Variants in KRT73 observed in about 807,000 individuals in gnomAD.
The protein encoded by KRT73 is keratin 73, also known as keratin, type II cytoskeletal 73.
In KRT73, 44 loss-of-function variants were observed where a neutral mutation model predicts 47.2. The observed-to-expected ratio is 0.93, with a 90% confidence interval of 0.73 to 1.20. KRT73 has a LOEUF of 1.20. KRT73 is among the 50% of genes most tolerant of loss of function. KRT73 has a pLI of 0.00. For synonymous variants in KRT73, 285 were observed against 291.3 expected, an observed-to-expected ratio of 0.98 and a Z score of 0.22; for missense variants, 713 against 704.5, an observed-to-expected ratio of 1.01 and a Z score of -0.14.
In KRT73 at chr12:52,614,569, G is replaced by A. The variant is rs772909232; in HGVS notation, c.819+10C>T. 5.6e-6 allele frequency: 9 copies of A among 1,609,522 alleles called. No individual in the cohort carries two copies. The African/African-American group carries it at 9.4e-5, about 17-fold the overall frequency. The stretch of plus-strand genomic sequence containing the variant: ...AGACAGAGCCAGAGGTGGGGCAGGG[G>A]GAGCCTTACCCCCTCGTACAGACAC... On this transcript the variant is annotated intron_variant, in intron 4 of 8. Transcript: ENST00000305748.
chr12:52,625,346 A>G, the KRT73 span, among the ~76,000 whole-genome samples: 1 of 152,200 alleles, frequency 6.6e-6, no homozygotes, highest in South Asian at 2.1e-4. Context: ...ACATCACAAG[A>G]CTTTCACTGA....
chr12:52,615,350 AG>A lies in KRT73; in HGVS notation c.663-12del, dbSNP rs1348939370. 4.3e-6 allele frequency: 7 copies of A among 1,612,850 alleles called. No homozygotes were observed. The highest frequency in any genetic ancestry group is 5.9e-6 in the Non-Finnish European group (7 of 1,178,880). ...ATTTCTTCTTCATACCTGCAGGGAAAGCATCACAGGAAGCAGAGTGTGTGTC... is the reference window on the plus strand; with the variant it reads ...ATTTCTTCTTCATACCTGCAGGGAAACATCACAGGAAGCAGAGTGTGTGTC... On this transcript the variant is annotated splice_polypyrimidine_tract_variant and intron_variant, in intron 2 of 8. Transcript: ENST00000305748.
intron 3 of KRT73, 73 bp from the exon 4 acceptor site, chr12:52,614,747 C>T: frequency 8.3e-7 from 1 of 1,211,060 alleles, no homozygotes; most frequent in Non-Finnish European, 1.2e-6. Flanking sequence ...GAACTGACAC[C>T]TGCAGGCCCT....
Position 52,616,271 on chromosome 12 carries a change from T to C in KRT73, c.557A>G (p.Tyr186Cys). The C allele has an allele frequency of 6.2e-7, 1 of 1,614,156 alleles. No individual in the cohort carries two copies. The highest frequency in any genetic ancestry group is 8.5e-7 in the Non-Finnish European group (1 of 1,180,028). The part of the protein sequence containing the change: ...KNNLEPILEG[Y>C]ISNLRKQLET... The stretch of plus-strand genomic sequence containing the variant: ...CAGCTGCTTCCGCAGGTTGCTGATG[T>C]AGCCCTCAAGGATGGGCTCCAGGTT... Residue 186 changes from tyrosine to cysteine, a missense_variant, in exon 2 of 9, where the codon TAC (tyrosine) becomes TGC (cysteine). Transcript: ENST00000305748.
the KRT73 span, among the ~76,000 whole-genome samples, chr12:52,629,358 T>C: frequency 3.9e-5 from 6 of 152,120 alleles, no homozygotes; most frequent in Admixed American, 1.3e-4. Flanking sequence ...GTCTGGGCCA[T>C]GTGTCCACCA....
chr12:52,612,584 T>A (rs1464647645), intron 5 of KRT73: 1 of 152,244 alleles, frequency 6.6e-6, no homozygotes, highest in East Asian at 1.9e-4. Context: ...GGCCTTCTCC[T>A]GCTTCTCCGC....
the KRT73 span, among the ~76,000 whole-genome samples, chr12:52,628,820 G>T: frequency 6.6e-6 from 1 of 152,178 alleles, no homozygotes; most frequent in African/African-American, 2.4e-5. Flanking sequence ...TGACCCAAAA[G>T]CCCATCTCCA....
At chr12:52,625,647 G>A in the KRT73 span, among the ~76,000 whole-genome samples, 6 of 152,124 alleles carry the variant, frequency 3.9e-5, no homozygotes, top group African/African-American at 1.2e-4. Context: ...TTATCCCAGA[G>A]AAATGAAATC....
At chr12:52,613,636 T>C in intron 5 of KRT73, 52 bp downstream of exon 5, 1 of 1,602,456 alleles carries the variant, frequency 6.2e-7, no homozygotes, top group Non-Finnish European at 8.5e-7. Context: ...CAAGACAGAG[T>C]CTGGAGCAGA....
At position 52,610,614 on chromosome 12, in the gene KRT73, C is replaced by T. The variant is rs146225251; in HGVS notation, c.1331+1G>A. The T allele has an allele frequency of 2.8e-4, 451 of 1,611,252 alleles. 3 individuals carry two copies. The East Asian group carries it at 9.1e-3, about 33-fold the overall frequency. ...TCTTCCAGTCCCTCGGTCCCACCCA[C>T]CTGCACTCCTCGCCCTCCAGCAGCT... On this transcript the variant is annotated splice_donor_variant, in intron 7 of 8. Coordinates refer to ENST00000305748, the MANE Select transcript of KRT73 (RefSeq NM_175068.3). LOFTEE classifies it high-confidence loss of function.
Position 52,613,801 on chromosome 12 carries a change from T to C in KRT73, c.871A>G (p.Met291Val). The change falls in exon 5 of 9, where the codon ATG becomes GTG. Residue 291 changes from methionine to valine, a missense_variant. Transcript: ENST00000305748. ...AGGTCCAGGTTCCGGTTGTTGTCCA[T>C]GGACAGGATGATGGACGTGTCGCTG... Reference protein sequence around the residue: ...HISDTSIILSMDNNRNLDLDS... With the variant: ...HISDTSIILSVDNNRNLDLDS... The C allele has an allele frequency of 8.1e-6, 13 of 1,614,154 alleles. No homozygotes were observed. The highest frequency in any genetic ancestry group is 9.3e-6 in the Non-Finnish European group (11 of 1,180,008).
chr12:52,614,809 C>A, intron 3 of KRT73, 135 bp from the exon 4 acceptor site: 1 of 652,024 alleles, frequency 1.5e-6, no homozygotes, highest in Admixed American at 3.1e-5. Flanking sequence ...AACCGGCCTT[C>A]CAGCCACAAC....
At chr12:52,615,424 C>T in intron 2 of KRT73, 85 bp from the exon 3 acceptor site, 2 of 1,077,094 alleles carry the variant, frequency 1.9e-6, no homozygotes, top group Middle Eastern at 2.0e-4. Context: ...AAAGAGATAC[C>T]CATATTATAT....
chr12:52,629,056 A>G, the KRT73 span, among the ~76,000 whole-genome samples: 1 of 151,886 alleles, frequency 6.6e-6, no homozygotes, highest in Non-Finnish European at 1.5e-5. Context: ...TGAGGTCTGG[A>G]CCCTCCAGCT....
At chr12:52,618,045 A>T in intron 1 of KRT73, 33 bp downstream of exon 1, 1 of 1,603,588 alleles carries the variant, frequency 6.2e-7, no homozygotes, top group Non-Finnish European at 8.5e-7. Context: ...TTAAAAGGGG[A>T]GCCCAAGATC....
At chr12:52,608,938 C>G (rs531450102) in intron 8 of KRT73, among the ~76,000 whole-genome samples, 5 of 152,182 alleles carry the variant, frequency 3.3e-5, no homozygotes, top group Admixed American at 6.5e-5. Flanking sequence ...TGCTCAGTTT[C>G]CTTCATGCAG....
Position 52,616,348 on chromosome 12 carries a change from C to T in KRT73, c.480G>A (p.Leu160=), listed in dbSNP as rs760791713. Residue 160 remains leucine (L), a synonymous_variant, in exon 2 of 9, where the codon CTG becomes CTA. Coordinates refer to ENST00000305748, the MANE Select transcript of KRT73 (RefSeq NM_175068.3). ...GCTGTAGCAGCTCCCACTTGGTCTC[C>T]AGCACCTGGTTCTGCTGCTCCAGGA... ...VRFLEQQNQV[L]ETKWELLQQL... 1.4e-5 allele frequency: 22 copies of T among 1,614,062 alleles called. No individual in the cohort carries two copies. Among genetic ancestry groups the T allele is most frequent in the Admixed American group, 5.0e-5 (3 of 60,002 alleles).
At position 52,618,216 on chromosome 12, in the gene KRT73, A is replaced by C. The variant is rs760066693; in HGVS notation, c.309T>G (p.Gly103=). Residue 103 remains glycine, a synonymous_variant, in exon 1 of 9, where the codon GGT becomes GGG. Transcript: ENST00000305748. ...SVCPSLCPPG[G]IHQVTINKSL... ...TCTTGTTGATGGTGACCTGATGGAT[A>C]CCCCCGGGCGGGCACAACGACGGAC... 2 of 1,613,726 alleles carry C rather than the reference A, an allele frequency of 1.2e-6. No homozygotes were observed. The highest frequency in any genetic ancestry group is 2.7e-5 in the African/African-American group (2 of 74,766).
At chr12:52,611,537 T>C in intron 5 of KRT73, 1 of 589,232 alleles carries the variant, frequency 1.7e-6, no homozygotes, top group Non-Finnish European at 3.0e-6. Flanking sequence ...ATGGTTAGAA[T>C]TGGCCATAAG....
Sources: allele counts gnomAD v4.1 joint callset (sites outside exome capture counted in the v4.1 genomes callset), GRCh38; gene constraint gnomAD v4.1.1; transcripts MANE v1.5; gene names NCBI Gene and HGNC (gene_info 2026-07-23, HGNC 2026-07-21).